STK33: variants seen among roughly 807,000 people sequenced by gnomAD.
STK33 encodes serine/threonine-protein kinase 33.
Under a neutral mutation model 58.0 loss-of-function variants are expected in STK33, and 52 were observed. That is an observed-to-expected ratio of 0.90 (90% CI 0.72 to 1.13). The LOEUF (loss-of-function observed/expected upper bound fraction) is 1.13, where lower values mean the gene tolerates loss of function less well. STK33 is among the 50% of genes most tolerant of loss of function. The probability of loss-of-function intolerance (pLI) is 0.00; values close to 1 mark genes in which losing one functional copy is unlikely to be tolerated. For synonymous variants in STK33, 215 were observed against 200.1 expected, an observed-to-expected ratio of 1.07 and a Z score of -0.63; for missense variants, 630 against 604.2, an observed-to-expected ratio of 1.04 and a Z score of -0.45.
At chr11:8,565,477 A>C (rs1341887430) in intron 1 of STK33, among the ~76,000 whole-genome samples, 2 of 151,552 alleles carry the variant, frequency 1.3e-5, no homozygotes, top group African/African-American at 4.9e-5. Flanking sequence ...CGGAGTCATA[A>C]GCCCCGAGTT....
the STK33 span, among the ~76,000 whole-genome samples, chr11:8,350,946 G>C: frequency 6.6e-6 from 1 of 152,224 alleles, no homozygotes; most frequent in South Asian, 2.1e-4. Context: ...GAGGGCCCTG[G>C]AACAATGACA....
intron 1 of STK33, among the ~76,000 whole-genome samples, chr11:8,511,934 T>G (rs961733740): frequency 6.6e-6 from 1 of 152,102 alleles, no homozygotes; most frequent in Non-Finnish European, 1.5e-5. Context: ...AGTATTGCCC[T>G]TAATATGTCA....
At chr11:8,381,928 G>C in the STK33 span, among the ~76,000 whole-genome samples, 1 of 152,084 alleles carries the variant, frequency 6.6e-6, no homozygotes. Context: ...GATTACCTGG[G>C]GAGCTTCTGA....
intron 1 of STK33, among the ~76,000 whole-genome samples, chr11:8,585,222 ATTT>A (rs34448251): frequency 1.1e-5 from 1 of 89,336 alleles, no homozygotes; most frequent in Non-Finnish European, 2.0e-5. Context: ...TGCACCCAGC[ATTT>A]TTTTTTTTTT....
chr11:8,401,316 A>T (rs964796712), intron 15 of STK33, among the ~76,000 whole-genome samples: 1 of 152,220 alleles, frequency 6.6e-6, no homozygotes, highest in African/African-American at 2.4e-5. Context: ...ATAATGCTGC[A>T]TATCTACAAC....
At chr11:8,576,489 ACTAT>A (rs1409968500) in intron 1 of STK33, among the ~76,000 whole-genome samples, 1 of 152,226 alleles carries the variant, frequency 6.6e-6, no homozygotes, top group South Asian at 2.1e-4. Context: ...ATAATGTATT[ACTAT>A]CTATCTGGCT....
At chr11:8,377,548 T>C in the STK33 span, among the ~76,000 whole-genome samples, 8 of 152,202 alleles carry the variant, frequency 5.3e-5, no homozygotes, top group Admixed American at 5.2e-4. Flanking sequence ...ACATTCCCCC[T>C]GAGAACTGGT....
chr11:8,507,959 C>T (rs1309841523), intron 1 of STK33, among the ~76,000 whole-genome samples: 1 of 152,122 alleles, frequency 6.6e-6, no homozygotes, highest in Middle Eastern at 3.2e-3. Flanking sequence ...GGCACGATCT[C>T]GGCTCACTGC....
chr11:8,459,735 C>A (rs1947290152), intron 8 of STK33, among the ~76,000 whole-genome samples: 1 of 151,952 alleles, frequency 6.6e-6, no homozygotes, highest in Admixed American at 6.6e-5. Flanking sequence ...CCAGGAAGGT[C>A]AAGACAACTA....
the STK33 span, among the ~76,000 whole-genome samples, chr11:8,368,600 G>C: frequency 6.6e-6 from 1 of 152,116 alleles, no homozygotes; most frequent in Non-Finnish European, 1.5e-5. Context: ...ATTTCCGGGT[G>C]TTTATAGATT....
At chr11:8,382,775 C>T in the STK33 span, among the ~76,000 whole-genome samples, 1 of 152,184 alleles carries the variant, frequency 6.6e-6, no homozygotes, top group Non-Finnish European at 1.5e-5. Flanking sequence ...TGCCTTCTTC[C>T]CTCCCCATAT....
chr11:8,358,897 C>T, the STK33 span, among the ~76,000 whole-genome samples: 25 of 152,152 alleles, frequency 1.6e-4, no homozygotes, highest in Non-Finnish European at 3.1e-4. Context: ...AGAAGGCTGG[C>T]AGATACCACC....
chr11:8,398,531 G>A (rs1160805709), intron 15 of STK33, among the ~76,000 whole-genome samples: 5 of 152,076 alleles, frequency 3.3e-5, no homozygotes, highest in Admixed American at 1.3e-4. Flanking sequence ...AGACCATCAA[G>A]GCTAGGAAGA....
chr11:8,341,881 T>C, the STK33 span, among the ~76,000 whole-genome samples: 2 of 152,214 alleles, frequency 1.3e-5, no homozygotes, highest in Non-Finnish European at 2.9e-5. Context: ...TGAGTGCTTG[T>C]TATCAAACCA....
chr11:8,477,163 CACACACACACACAT>C (rs1949357061), intron 3 of STK33, 73 bp downstream of exon 3: 1 of 151,904 alleles, frequency 6.6e-6, no homozygotes, highest in African/African-American at 2.4e-5. Flanking sequence ...CACACACACA[CACACACACACACAT>C]ACACATCTCT....
Position 8,392,360 on chromosome 11 carries a change from A to C in STK33, c.*150T>G. The C allele has an allele frequency of 1.1e-6, 1 of 919,938 alleles. No individual in the cohort carries two copies. Among genetic ancestry groups the C allele is most frequent in the Non-Finnish European group, 1.7e-6 (1 of 595,616 alleles). The allele number at this position is 919,938 out of a possible 1,614,324, so 57.0% of individuals were successfully genotyped here. A position where few individuals can be genotyped will look rare whatever the true frequency, so the allele number is the denominator to read the frequency against. On this transcript the variant is annotated 3_prime_UTR_variant, in exon 16 of 16. Coordinates refer to ENST00000687296, the MANE Select transcript of STK33 (RefSeq NM_001352389.2). ...GCTGCTTTGGAGATAAGCAGCTTCAATTTTAAGCTGGTGCAAACACATGGC... is the reference window on the plus strand; with the variant it reads ...GCTGCTTTGGAGATAAGCAGCTTCACTTTTAAGCTGGTGCAAACACATGGC...
intron 15 of STK33, among the ~76,000 whole-genome samples, chr11:8,409,703 G>A (rs1036592687): frequency 6.6e-6 from 1 of 152,034 alleles, no homozygotes; most frequent in African/African-American, 2.4e-5. Context: ...ATACCCAAAG[G>A]AGCCTTGATA....
chr11:8,504,656 T>C (rs185996675), intron 1 of STK33, among the ~76,000 whole-genome samples: 2 of 151,786 alleles, frequency 1.3e-5, no homozygotes, highest in African/African-American at 4.8e-5. Flanking sequence ...AAAATAATTA[T>C]CCAGGCATGG....
rs148009219 is a variant in STK33 at position 8,587,801 on chromosome 11, T to C, written c.-466+6282A>G. 3.1e-3 allele frequency among the ~76,000 whole-genome samples: 469 copies of C among 152,132 alleles called. 4 individuals carry two copies. Among genetic ancestry groups the C allele is most frequent in the African/African-American group, 0.011 (453 of 41,498 alleles). ...TCAGGTTACAATCCTGAAAAAAAGA[T>C]GGCAAAGGGGCACCCATATGGGTCT... On this transcript the variant is annotated intron_variant, in intron 1 of 15. Transcript: ENST00000687296.
Sources: gnomAD v4.1 joint callset for allele counts (sites outside exome capture counted in the v4.1 genomes callset) on GRCh38, gnomAD v4.1.1 for gene constraint, MANE v1.5 for transcripts, NCBI Gene and HGNC (gene_info 2026-07-23, HGNC 2026-07-21) for gene names.